ELN: variants seen among roughly 807,000 people sequenced by gnomAD.
ELN encodes the protein elastin.
A neutral mutation model predicts 105.8 loss-of-function variants in ELN; 65 were observed. That is an observed-to-expected ratio of 0.61 (90% CI 0.50 to 0.75). The LOEUF is 0.75. Among genes scored for constraint, ELN ranks in the 30% least tolerant of loss-of-function variants. ELN has a pLI of 0.00. For synonymous variants in ELN, 368 were observed against 389.2 expected (o/e 0.95, Z 0.64); for missense variants, 882 against 969.4 (o/e 0.91, Z 1.20).
intron 4 of ELN, chr7:74,038,156 G>T (rs1790414428): frequency 3.1e-6 from 1 of 319,946 alleles, no homozygotes; most frequent in African/African-American, 2.2e-5. Flanking sequence ...TCCCCTGAGT[G>T]GTCCCCTAGC....
intron 5 of ELN, 110 bp downstream of exon 5, chr7:74,041,361 T>C: frequency 7.1e-7 from 1 of 1,399,258 alleles, no homozygotes; most frequent in South Asian, 1.2e-5. Context: ...CCAGGTTCCG[T>C]CCTGGGCACT....
At chr7:74,068,581 G>C in intron 32 of ELN, 76 bp from the exon 33 acceptor site, 4 of 1,581,478 alleles carry the variant, frequency 2.5e-6, no homozygotes, top group Non-Finnish European at 3.5e-6. Context: ...CATTCGAGTG[G>C]GTCAGAGCAG....
At position 74,063,045 on chromosome 7, in the gene ELN, C is replaced by T; in HGVS notation, c.1787-108C>T. 7.2e-7 allele frequency: 1 copy of T among 1,383,040 alleles called. No homozygotes were observed. 85.7% of individuals were successfully genotyped at this position (1,383,040 alleles called of 1,614,324 possible). A position where few individuals can be genotyped will look rare whatever the true frequency, so the allele number is the denominator to read the frequency against. ...ACTGGACTTCCTGTCCACTGCTCCT[C>T]CACAGTGTCACATGGCCCCTGCCAC... On this transcript the variant is annotated intron_variant, in intron 26 of 32. Transcript: ENST00000252034. The surrounding 1 kb of genome is among the most constrained non-coding windows in gnomAD (Gnocchi z 4.1).
intron 21 of ELN, chr7:74,057,331 C>G (rs1467843251): frequency 3.7e-5 from 53 of 1,421,654 alleles, no homozygotes; most frequent in Non-Finnish European, 4.6e-5. Context: ...CTTGCTCCCC[C>G]AAAAAGTGAG....
At chr7:74,037,880 C>A in intron 4 of ELN, 141 bp downstream of exon 4, 1 of 1,271,420 alleles carries the variant, frequency 7.9e-7, no homozygotes, top group Non-Finnish European at 1.1e-6. Context: ...GGTGTGGACA[C>A]CGATTAGCCT....
chr7:74,033,378 A>T (rs1405624286), intron 1 of ELN, among the ~76,000 whole-genome samples: 1 of 152,260 alleles, frequency 6.6e-6, no homozygotes, highest in Non-Finnish European at 1.5e-5. Flanking sequence ...AGGCAGAGAA[A>T]GACGCATAAG....
chr7:74,033,017 G>A (rs1400450045), intron 1 of ELN, among the ~76,000 whole-genome samples: 1 of 152,262 alleles, frequency 6.6e-6, no homozygotes, highest in Non-Finnish European at 1.5e-5. Flanking sequence ...GCCAGGTCCA[G>A]AAGAGGACAT....
chr7:74,052,689 G>A (rs1468423616), intron 17 of ELN: 1 of 159,554 alleles, frequency 6.3e-6, no homozygotes, highest in South Asian at 1.5e-4. Context: ...AAGGAAGGAA[G>A]GGAGGGAGGG....
Position 74,063,586 on chromosome 7 carries a change from G to T in ELN, c.1919-35G>T. 6.2e-7 allele frequency: 1 copy of T among 1,614,068 alleles called. No individual in the cohort carries two copies. Among genetic ancestry groups the T allele is most frequent in the South Asian group, 1.1e-5 (1 of 91,048 alleles). On this transcript the variant is annotated intron_variant, in intron 28 of 32. Coordinates refer to ENST00000252034, the MANE Select transcript of ELN (RefSeq NM_000501.4). The surrounding 1 kb of genome is among the most constrained non-coding windows in gnomAD (Gnocchi z 4.1). ...GCCGAGGCTTCAGTCCCACCTTTCT[G>T]ACCAGCGGAGTCTAATGCTCAGCTG...
At chr7:74,064,364 G>A (rs531865412) in intron 29 of ELN, among the ~76,000 whole-genome samples, 135 of 150,054 alleles carry the variant, frequency 9.0e-4, no homozygotes, top group Middle Eastern at 3.5e-3. Flanking sequence ...GCAGTGAGCC[G>A]AGATCGCGCC....
At position 74,063,518 on chromosome 7, in the gene ELN, A is replaced by T; in HGVS notation, c.1919-103A>T. 6.2e-7 allele frequency: 1 copy of T among 1,608,942 alleles called. No individual in the cohort carries two copies. Among genetic ancestry groups the T allele is most frequent in the Non-Finnish European group, 8.5e-7 (1 of 1,177,096 alleles). On this transcript the variant is annotated intron_variant, in intron 28 of 32. Coordinates refer to ENST00000252034, the MANE Select transcript of ELN (RefSeq NM_000501.4). The surrounding 1 kb of genome is among the most constrained non-coding windows in gnomAD (Gnocchi z 4.1). ...GCCATCGAAGGCCAGGGGAGACCTC[A>T]GGCTCCACCTGTGTCCCCAGAGGAC...
At chr7:74,067,219 A>G (rs71539239) in intron 32 of ELN, among the ~76,000 whole-genome samples, 31,302 of 151,334 alleles carry the variant, frequency 0.21, 4,853 homozygotes, top group African/African-American at 0.44. Flanking sequence ...AGGAGATGGA[A>G]ACCATCCTGG....
rs781901576 is a variant in ELN at position 74,060,475 on chromosome 7, G to A, written c.1721G>A (p.Gly574Asp). ...GCTGGTGTTCCTGGACTTGGAGTTG[G>A]TGCTGGTGTTCCTGGCTTCGGGGCA... ...VGAGVPGLGV[G>D]AGVPGFGAVP... is the part of the protein sequence containing the mutation. The change falls in exon 25 of 33, where the codon GGT (glycine) becomes GAT (aspartate). Residue 574 changes from glycine to aspartate, a missense_variant. Coordinates refer to ENST00000252034, the MANE Select transcript of ELN (RefSeq NM_000501.4). 6.2e-7 allele frequency: 1 copy of A among 1,614,246 alleles called. No individual in the cohort carries two copies. The highest frequency in any genetic ancestry group is 2.2e-5 in the East Asian group (1 of 44,882).
At chr7:74,047,954 C>T (rs1554673500) in intron 13 of ELN, among the ~76,000 whole-genome samples, 188 bp from the exon 14 acceptor site, 9 of 152,162 alleles carry the variant, frequency 5.9e-5, no homozygotes. Flanking sequence ...CTTCTTTGAG[C>T]CTCTGTGTTC....
Position 74,054,733 on chromosome 7 carries a change from G to A in ELN, c.1114G>A (p.Ala372Thr). ...AAVPGVVSPE[A>T]AAKAAAKAAK... ...CTCTCCAGGGGTTGTGTCACCAGAA[G>A]CAGCTGCTAAGGCAGCTGCAAAGGC... Residue 372 changes from alanine (A) to threonine (T), a missense_variant, in exon 19 of 33, where the codon GCA (alanine) becomes ACA (threonine). Ala to Thr is a moderately conservative substitution (Grantham distance 58, BLOSUM62 0). Coordinates refer to ENST00000252034, the MANE Select transcript of ELN (RefSeq NM_000501.4). 1 of 1,614,154 alleles carries A rather than the reference G, an allele frequency of 6.2e-7. No homozygotes were observed. Among genetic ancestry groups the A allele is most frequent in the South Asian group, 1.1e-5 (1 of 91,076 alleles).
At position 74,045,237 on chromosome 7, in the gene ELN, G is replaced by C. The variant is rs782591769; in HGVS notation, c.485G>C (p.Gly162Ala). 1.2e-6 allele frequency: 2 copies of C among 1,614,152 alleles called. No homozygotes were observed. The highest frequency in any genetic ancestry group is 1.7e-6 in the Non-Finnish European group (2 of 1,180,028). ...GGVLPGARFP[G>A]VGVLPGVPTG... is the part of the protein sequence containing the mutation. ...CCCCCGGCAGGAGCTCGGTTCCCCGGTGTGGGGGTGCTCCCTGGAGTTCCC... is the reference window on the plus strand; with the variant it reads ...CCCCCGGCAGGAGCTCGGTTCCCCGCTGTGGGGGTGCTCCCTGGAGTTCCC... The change falls in exon 10 of 33, where the codon GGT becomes GCT. Residue 162 changes from glycine to alanine, a missense_variant. Coordinates refer to ENST00000252034, the MANE Select transcript of ELN (RefSeq NM_000501.4).
At position 74,069,669 on chromosome 7, in the gene ELN, T is replaced by C; in HGVS notation, c.*969T>C. 1 of 233,218 alleles carries C rather than the reference T, an allele frequency of 4.3e-6. No homozygotes were observed. Among genetic ancestry groups the C allele is most frequent in the Non-Finnish European group, 8.5e-6 (1 of 117,774 alleles). 14.4% of individuals were successfully genotyped at this position (233,218 alleles called of 1,614,324 possible). On this transcript the variant is annotated 3_prime_UTR_variant, in exon 33 of 33. Transcript: ENST00000252034. ...GATAGATCAATAAATATTTTATTTT[T>C]TGTCCTGGATATTTGGGGATTATTT...
intron 32 of ELN, among the ~76,000 whole-genome samples, 188 bp from the exon 33 acceptor site, chr7:74,068,469 G>T (rs1376540679): frequency 6.6e-6 from 1 of 152,212 alleles, no homozygotes; most frequent in Non-Finnish European, 1.5e-5. Flanking sequence ...ATATCTTGGG[G>T]GCTTCTCCCG....
intron 11 of ELN, 90 bp from the exon 12 acceptor site, chr7:74,046,606 G>T: frequency 7.2e-7 from 1 of 1,391,496 alleles, no homozygotes; most frequent in Non-Finnish European, 1.0e-6. Flanking sequence ...GCTGTAGCAA[G>T]CTCCTTCTGT....
Sources: allele counts gnomAD v4.1 joint callset (sites outside exome capture counted in the v4.1 genomes callset), GRCh38; gene constraint gnomAD v4.1.1; non-coding constraint Gnocchi (gnomAD v3.1); transcripts MANE v1.5; gene names NCBI Gene and HGNC (gene_info 2026-07-23, HGNC 2026-07-21).